UNC5D: variants seen among roughly 807,000 people sequenced by gnomAD.
UNC5D encodes netrin receptor UNC5D.
UNC5D carries 39 observed loss-of-function variants against 105.4 expected under a neutral mutation model. The ratio of observed to expected loss-of-function variants is 0.37; its 90% CI spans 0.29 to 0.48. The LOEUF is 0.48. Ranked by LOEUF, UNC5D falls within the 20% of genes least tolerant of loss-of-function variation. The pLI is 0.98. For missense variants in UNC5D, 991 were observed against 1,202.4 expected (o/e 0.82, Z 2.60); for synonymous variants, 452 against 450.4 (o/e 1.00, Z -0.04).
intron 1 of UNC5D, among the ~76,000 whole-genome samples, chr8:35,242,870 G>A (rs1802884218): frequency 6.6e-6 from 1 of 152,126 alleles, no homozygotes; most frequent in Admixed American, 6.6e-5. Context: ...GAAGTCATTG[G>A]TGTCTTCTGT....
intron 1 of UNC5D, among the ~76,000 whole-genome samples, chr8:35,362,919 A>G (rs1226691446): frequency 2.6e-5 from 4 of 152,138 alleles, no homozygotes; most frequent in Non-Finnish European, 4.4e-5. Flanking sequence ...AGCCAGCCTT[A>G]GTTTACCAAC....
chr8:35,323,773 G>A (rs1363569588), intron 1 of UNC5D, among the ~76,000 whole-genome samples: 2 of 152,090 alleles, frequency 1.3e-5, no homozygotes, highest in Admixed American at 6.5e-5. Flanking sequence ...CTGCACCCAG[G>A]CAGCATTACT....
At position 35,581,546 on chromosome 8, in the gene UNC5D, A is replaced by G. The variant is rs931441843; in HGVS notation, c.466+13305A>G. Among the ~76,000 whole-genome samples the G allele has an allele frequency of 5.9e-5, 9 of 152,248 alleles. No homozygotes were observed. The East Asian group carries it at 1.7e-3, about 29-fold the overall frequency. ...TGAATAAGATTTAGTATTTGATAGC[A>G]TAACAATGTGAACTATGGTGAACAC... On this transcript the variant is annotated intron_variant, in intron 3 of 16. Coordinates refer to ENST00000404895, the MANE Select transcript of UNC5D (RefSeq NM_080872.4).
chr8:35,526,728 G>A (rs575249935), intron 1 of UNC5D, among the ~76,000 whole-genome samples: 2 of 152,004 alleles, frequency 1.3e-5, no homozygotes, highest in Non-Finnish European at 2.9e-5. Flanking sequence ...TTAACCAGGA[G>A]GGATACATGC....
At chr8:35,756,428 AC>A (rs1236242551) in intron 13 of UNC5D, among the ~76,000 whole-genome samples, 1 of 152,100 alleles carries the variant, frequency 6.6e-6, no homozygotes, top group African/African-American at 2.4e-5. Flanking sequence ...GACTGTGTAG[AC>A]AGTATATATA....
At chr8:35,573,236 A>T (rs543957423) in intron 3 of UNC5D, among the ~76,000 whole-genome samples, 2 of 152,214 alleles carry the variant, frequency 1.3e-5, no homozygotes, top group Non-Finnish European at 2.9e-5. Context: ...TTAACCATTC[A>T]CCCAAATTCC....
chr8:35,267,573 G>C (rs1190729587), intron 1 of UNC5D, among the ~76,000 whole-genome samples: 1 of 152,022 alleles, frequency 6.6e-6, no homozygotes, highest in Non-Finnish European at 1.5e-5. Flanking sequence ...CAAGTAGCTG[G>C]GATTACAGGC....
chr8:35,572,372 G>T (rs749645404), intron 3 of UNC5D, among the ~76,000 whole-genome samples: 4 of 150,798 alleles, frequency 2.7e-5, no homozygotes, highest in Non-Finnish European at 2.9e-5. Context: ...GGACAATTCA[G>T]CTGAGGGATC....
In UNC5D at chr8:35,446,713, A is replaced by C. The variant is rs191229479; in HGVS notation, c.104-102579A>C. 5.3e-5 allele frequency among the ~76,000 whole-genome samples: 8 copies of C among 152,154 alleles called. No homozygotes were observed. The East Asian group carries it at 1.4e-3, about 26-fold the overall frequency. On this transcript the variant is annotated intron_variant, in intron 1 of 16. Coordinates refer to ENST00000404895, the MANE Select transcript of UNC5D (RefSeq NM_080872.4). ...CAAATTCTGACGTGGAGCATCAGTT[A>C]ATTGCCCTTGGGTCTGTAGATCTTT... is the stretch of plus-strand genomic sequence containing the variant.
At chr8:35,691,569 A>C (rs1462166104) in intron 7 of UNC5D, among the ~76,000 whole-genome samples, 1 of 152,216 alleles carries the variant, frequency 6.6e-6, no homozygotes, top group African/African-American at 2.4e-5. Flanking sequence ...TGAATCCACG[A>C]ATCTAAATTA....
At chr8:35,609,649 A>G (rs964260167) in intron 4 of UNC5D, among the ~76,000 whole-genome samples, 3 of 152,218 alleles carry the variant, frequency 2.0e-5, no homozygotes, top group Admixed American at 6.5e-5. Context: ...ACTCTCCAGT[A>G]TGGCAGTAAT....
intron 1 of UNC5D, among the ~76,000 whole-genome samples, chr8:35,474,192 G>T (rs552609123): frequency 9.3e-4 from 141 of 152,340 alleles, no homozygotes; most frequent in African/African-American, 3.3e-3. Flanking sequence ...GTGTTCATTA[G>T]AGATATTACC....
At chr8:35,387,729 T>C (rs904602859) in intron 1 of UNC5D, among the ~76,000 whole-genome samples, 2 of 152,166 alleles carry the variant, frequency 1.3e-5, no homozygotes, top group African/African-American at 4.8e-5. Flanking sequence ...GGTGTCATGA[T>C]CTTCATATCA....
At chr8:35,611,344 G>A (rs1430225702) in intron 4 of UNC5D, among the ~76,000 whole-genome samples, 1 of 152,016 alleles carries the variant, frequency 6.6e-6, no homozygotes, top group Non-Finnish European at 1.5e-5. Context: ...AAAGCTTCGT[G>A]GCCCCATCTC....
At chr8:35,446,687 G>A (rs1427189129) in intron 1 of UNC5D, among the ~76,000 whole-genome samples, 3 of 151,758 alleles carry the variant, frequency 2.0e-5, no homozygotes, top group Non-Finnish European at 4.4e-5. Context: ...TTCTAATTTC[G>A]CAAATTCTGA....
At position 35,536,141 on chromosome 8, in the gene UNC5D, G is replaced by A. The variant is rs76898490; in HGVS notation, c.104-13151G>A. 2.8e-4 allele frequency among the ~76,000 whole-genome samples: 42 copies of A among 152,306 alleles called. 1 individual carries two copies. The East Asian group carries it at 7.9e-3, about 29-fold the overall frequency. ...ACTTGGTATAAATCTGTTTCTGACT[G>A]TGTCTAGCATCTTCTCCAAGAGGAT... On this transcript the variant is annotated intron_variant, in intron 1 of 16. Coordinates refer to ENST00000404895, the MANE Select transcript of UNC5D (RefSeq NM_080872.4).
At chr8:35,385,060 G>C (rs529714608) in intron 1 of UNC5D, among the ~76,000 whole-genome samples, 6 of 152,334 alleles carry the variant, frequency 3.9e-5, no homozygotes, top group Admixed American at 3.3e-4. Context: ...AGGAGACCTT[G>C]GCAGGCCGCC....
At chr8:35,416,608 C>T (rs1220288093) in intron 1 of UNC5D, among the ~76,000 whole-genome samples, 2 of 151,832 alleles carry the variant, frequency 1.3e-5, no homozygotes, top group Non-Finnish European at 2.9e-5. Flanking sequence ...CTGTTTTTCA[C>T]TTTTGTTGTG....
intron 1 of UNC5D, among the ~76,000 whole-genome samples, chr8:35,400,237 A>G (rs1247916047): frequency 6.6e-6 from 1 of 151,834 alleles, no homozygotes; most frequent in East Asian, 1.9e-4. Flanking sequence ...TTTTTTTTTA[A>G]CGGAAAAAAT....
Sources: gnomAD v4.1 joint callset for allele counts (sites outside exome capture counted in the v4.1 genomes callset) on GRCh38, gnomAD v4.1.1 for gene constraint, MANE v1.5 for transcripts, NCBI Gene and HGNC (gene_info 2026-07-23, HGNC 2026-07-21) for gene names.